The following EPB41L4A variants were observed in gnomAD, a reference collection of about 807,000 sequenced individuals.
EPB41L4A encodes the protein band 4.1-like protein 4A.
A neutral mutation model predicts 108.6 loss-of-function variants in EPB41L4A; 100 were observed. That is an observed-to-expected ratio of 0.92 (90% CI 0.78 to 1.09). The LOEUF (loss-of-function observed/expected upper bound fraction) is 1.09, where lower values mean the gene tolerates loss of function less well. Ranked by LOEUF, EPB41L4A falls within the 50% of genes least tolerant of loss-of-function variation. The probability of loss-of-function intolerance (pLI) is 0.00; values close to 1 mark genes in which losing one functional copy is unlikely to be tolerated. For synonymous variants in EPB41L4A, 319 were observed against 289.0 expected (o/e 1.10, Z -1.05); for missense variants, 1,030 against 842.7 (o/e 1.22, Z -2.75).
At chr5:112,220,470 C>T (rs1479462529) in intron 12 of EPB41L4A, among the ~76,000 whole-genome samples, 1 of 152,068 alleles carries the variant, frequency 6.6e-6, no homozygotes, top group Non-Finnish European at 1.5e-5. Context: ...TTTTCTTTTG[C>T]AAAATGGAAG....
chr5:112,364,877 T>C (rs1244342920), intron 1 of EPB41L4A, among the ~76,000 whole-genome samples: 1 of 152,214 alleles, frequency 6.6e-6, no homozygotes, highest in Admixed American at 6.5e-5. Flanking sequence ...GCATAAATAT[T>C]AGGTCTAAAT....
intron 12 of EPB41L4A, among the ~76,000 whole-genome samples, chr5:112,152,295 A>T (rs921833691): frequency 2.6e-5 from 4 of 152,194 alleles, no homozygotes; most frequent in Admixed American, 6.5e-5. Flanking sequence ...ATAAAAGTGA[A>T]CCAAATATTC....
intron 11 of EPB41L4A, among the ~76,000 whole-genome samples, chr5:112,235,408 G>C (rs1024734389): frequency 1.3e-5 from 2 of 152,156 alleles, no homozygotes. Flanking sequence ...GGATTTCAGT[G>C]AACATTCACC....
intron 1 of EPB41L4A, among the ~76,000 whole-genome samples, chr5:112,354,258 C>T (rs1258134638): frequency 6.6e-6 from 1 of 152,126 alleles, no homozygotes; most frequent in East Asian, 1.9e-4. Context: ...GTTGCTAAGG[C>T]TTATGACAGC....
rs1045410226 is a variant in EPB41L4A, at chr5:112,300,794, G to C, written c.204+6592C>G. 3.3e-5 allele frequency among the ~76,000 whole-genome samples: 5 copies of C among 151,946 alleles called. No homozygotes were observed. The South Asian group carries it at 1.0e-3, about 32-fold the overall frequency. ...AGGAATGCCAATTATTCTTAGATTT[G>C]GTCACTTAATGTAATCTCACATTTC... On this transcript the variant is annotated intron_variant, in intron 2 of 22. Transcript: ENST00000261486.
intron 1 of EPB41L4A, among the ~76,000 whole-genome samples, chr5:112,337,410 G>C (rs1426025085): frequency 1.3e-5 from 2 of 152,156 alleles, no homozygotes; most frequent in Admixed American, 6.5e-5. Context: ...TGTTTTATCA[G>C]TAATGCTACT....
At chr5:112,341,704 A>G (rs564898313) in intron 1 of EPB41L4A, among the ~76,000 whole-genome samples, 1 of 152,040 alleles carries the variant, frequency 6.6e-6, no homozygotes, top group Admixed American at 6.6e-5. Context: ...TTGAGTCTAG[A>G]AGTTCAAGAC....
At chr5:112,211,321 C>T (rs138789785) in intron 12 of EPB41L4A, among the ~76,000 whole-genome samples, 18 of 152,244 alleles carry the variant, frequency 1.2e-4, no homozygotes, top group Non-Finnish European at 1.3e-4. Context: ...CAGTGGCTCA[C>T]GCCTGTCATC....
chr5:112,153,486 G>A lies in EPB41L4A; in HGVS notation n.994+4915C>T, dbSNP rs188503847. On this transcript the variant is annotated intron_variant and non_coding_transcript_variant, in intron 12 of 13. Coordinates refer to the EPB41L4A transcript ENST00000507810. ...GGAGGTTGCAGTGAGCCAAGATAGC[G>A]CCACTGCACTCCAGCCAGGGCAACA... 1.6e-3 allele frequency among the ~76,000 whole-genome samples: 233 copies of A among 148,836 alleles called. 3 individuals carry two copies. The East Asian group carries it at 0.029, about 19-fold the overall frequency.
intron 12 of EPB41L4A, among the ~76,000 whole-genome samples, chr5:112,224,702 A>G (rs142186048): frequency 2.0e-5 from 3 of 152,278 alleles, no homozygotes; most frequent in African/African-American, 7.2e-5. Context: ...AAATGGCTTA[A>G]ATAATCAGTC....
At chr5:112,359,349 A>G (rs538990266) in intron 1 of EPB41L4A, among the ~76,000 whole-genome samples, 5 of 152,330 alleles carry the variant, frequency 3.3e-5, no homozygotes, top group African/African-American at 1.2e-4. Flanking sequence ...CTTGCTTTCC[A>G]ACTGAGAGAA....
At chr5:112,342,278 T>A (rs1757366562) in intron 1 of EPB41L4A, among the ~76,000 whole-genome samples, 1 of 152,250 alleles carries the variant, frequency 6.6e-6, no homozygotes, top group Non-Finnish European at 1.5e-5. Context: ...CAATTTCCAT[T>A]CCTGTCCTGT....
chr5:112,399,633 C>G (rs1489152242), intron 1 of EPB41L4A, among the ~76,000 whole-genome samples: 1 of 152,226 alleles, frequency 6.6e-6, no homozygotes. Flanking sequence ...CCCTAAAGCT[C>G]TAATCCAGCC....
At chr5:112,419,760 C>A (rs1762980953), upstream of EPB41L4A, 1 of 456,662 alleles carries the variant, frequency 2.2e-6, no homozygotes, top group Non-Finnish European at 4.4e-6. Flanking sequence ...GCTCCTTACC[C>A]AGACCAGCGA....
At chr5:112,338,145 C>G (rs13188902) in intron 1 of EPB41L4A, among the ~76,000 whole-genome samples, 59,891 of 151,928 alleles carry the variant, frequency 0.39, 13,084 homozygotes, top group South Asian at 0.59. Context: ...AAAAATATGC[C>G]CATGAATACA....
intron 1 of EPB41L4A, among the ~76,000 whole-genome samples, chr5:112,317,103 G>T (rs1218275340): frequency 6.6e-6 from 1 of 152,202 alleles, no homozygotes; most frequent in Non-Finnish European, 1.5e-5. Flanking sequence ...TAGGAGGAAT[G>T]ACATGAACAT....
chr5:112,178,863 C>T (rs1186448940), intron 18 of EPB41L4A, among the ~76,000 whole-genome samples: 1 of 150,554 alleles, frequency 6.6e-6, no homozygotes, highest in African/African-American at 2.4e-5. Context: ...AAAAGAAGAG[C>T]AGGTAAAAGA....
intron 1 of EPB41L4A, among the ~76,000 whole-genome samples, chr5:112,386,979 A>C (rs1172547902): frequency 6.6e-6 from 1 of 152,176 alleles, no homozygotes; most frequent in Non-Finnish European, 1.5e-5. Flanking sequence ...GCTTTAGCTG[A>C]GTTGCTGCCT....
intron 1 of EPB41L4A, among the ~76,000 whole-genome samples, chr5:112,391,857 T>C (rs1030326445): frequency 2.0e-5 from 3 of 152,010 alleles, no homozygotes; most frequent in Non-Finnish European, 4.4e-5. Flanking sequence ...CAAAGGCCCA[T>C]CAGACTAACA....
Sources: allele counts gnomAD v4.1 joint callset (sites outside exome capture counted in the v4.1 genomes callset), GRCh38; gene constraint gnomAD v4.1.1; transcripts MANE v1.5; gene names NCBI Gene and HGNC (gene_info 2026-07-23, HGNC 2026-07-21).